ZNF560: variants seen among roughly 807,000 people sequenced by gnomAD.
The protein encoded by ZNF560 is zinc finger protein 560.
In ZNF560, 54 loss-of-function variants were observed where a neutral mutation model predicts 81.8. The observed-to-expected ratio is 0.66, with a 90% CI of 0.53 to 0.83. The LOEUF is 0.83. ZNF560 is among the 40% of genes least tolerant of loss of function. The pLI is 0.00. For synonymous variants in ZNF560, 321 were observed against 317.9 expected (o/e 1.01, Z -0.10); for missense variants, 940 against 932.4 (o/e 1.01, Z -0.11).
Position 9,497,459 on chromosome 19 carries a change from C to T in ZNF560, c.-57+669G>A, listed in dbSNP as rs866100366. 3.4e-5 allele frequency among the ~76,000 whole-genome samples: 5 copies of T among 145,004 alleles called. No homozygotes were observed. The East Asian group carries it at 1.1e-3, about 31-fold the overall frequency. ...CTGAGGCAGGAGAATCGCTTGAACC[C>T]GGGAGGCAGAGGTTGCAGTGAGGCG... On this transcript the variant is annotated intron_variant, in intron 2 of 9. Coordinates refer to ENST00000301480, the MANE Select transcript of ZNF560 (RefSeq NM_152476.3).
chr19:9,467,841 G>A lies in ZNF560; in HGVS notation c.1106C>T (p.Thr369Ile), dbSNP rs1211407837. Reference sequence around the variant, plus strand: ...TTTATAAGGTTTTATCCCAATGTGGGTTTGCATGTGATTATTAAGGTGGGT... The same window carrying A: ...TTTATAAGGTTTTATCCCAATGTGGATTTGCATGTGATTATTAAGGTGGGT... ...YPTHLNNHMQ[T>I]HIGIKPYKCK... Residue 369 changes from threonine to isoleucine, a missense_variant, in exon 10 of 10, where the codon ACC (threonine) becomes ATC (isoleucine). Coordinates refer to ENST00000301480, the MANE Select transcript of ZNF560 (RefSeq NM_152476.3). 5.6e-6 allele frequency: 9 copies of A among 1,614,014 alleles called. No individual in the cohort carries two copies. The African/African-American group carries it at 1.1e-4, about 19-fold the overall frequency.
intron 2 of ZNF560, among the ~76,000 whole-genome samples, chr19:9,494,345 C>G (rs963176464): frequency 3.3e-5 from 5 of 152,126 alleles, no homozygotes; most frequent in Admixed American, 2.0e-4. Context: ...ATCTCAGCTC[C>G]AAATTCACGA....
the ZNF560 span, among the ~76,000 whole-genome samples, chr19:9,506,058 T>C: frequency 6.6e-6 from 1 of 152,060 alleles, no homozygotes; most frequent in Non-Finnish European, 1.5e-5. Context: ...AGTGGTGTGA[T>C]CTCAGCTCAC....
intron 2 of ZNF560, among the ~76,000 whole-genome samples, chr19:9,481,950 T>C (rs746852015): frequency 6.6e-6 from 1 of 152,220 alleles, no homozygotes; most frequent in Non-Finnish European, 1.5e-5. Flanking sequence ...TAATAAATCA[T>C]GCTACTATAA....
At chr19:9,500,699 A>C (rs2073626275), upstream of ZNF560, among the ~76,000 whole-genome samples, 1 of 151,604 alleles carries the variant, frequency 6.6e-6, no homozygotes, top group Middle Eastern at 3.4e-3. Context: ...CAGCCTCCCA[A>C]GTAGGTGGGC....
At chr19:9,490,722 C>T (rs2073458511) in intron 2 of ZNF560, among the ~76,000 whole-genome samples, 1 of 152,094 alleles carries the variant, frequency 6.6e-6, no homozygotes, top group South Asian at 2.1e-4. Context: ...CCACAGTTTG[C>T]CAATGTAAGT....
At chr19:9,504,772 C>T in the ZNF560 span, among the ~76,000 whole-genome samples, 2 of 152,090 alleles carry the variant, frequency 1.3e-5, no homozygotes, top group Non-Finnish European at 2.9e-5. Context: ...TCTTCTTTTT[C>T]TAATTTTTAA....
the ZNF560 span, among the ~76,000 whole-genome samples, chr19:9,446,242 A>G: frequency 1.3e-5 from 2 of 151,694 alleles, no homozygotes; most frequent in East Asian, 1.9e-4. Context: ...CCCTGCTGCT[A>G]TTTACTTTTC....
intron 2 of ZNF560, among the ~76,000 whole-genome samples, chr19:9,477,437 G>C (rs1446130121): frequency 6.6e-6 from 1 of 152,062 alleles, no homozygotes; most frequent in Non-Finnish European, 1.5e-5. Context: ...ATTGATACCT[G>C]GCTTACTTAA....
chr19:9,450,351 A>G, the ZNF560 span, among the ~76,000 whole-genome samples: 2 of 152,110 alleles, frequency 1.3e-5, no homozygotes, highest in South Asian at 4.1e-4. Flanking sequence ...TCAACATAGT[A>G]CTAGGAGTCC....
chr19:9,462,790 C>T (rs1044119403), downstream of ZNF560, among the ~76,000 whole-genome samples: 7 of 152,106 alleles, frequency 4.6e-5, no homozygotes, highest in African/African-American at 1.7e-4. Context: ...TTTACTTACA[C>T]ATTTAAATAT....
At chr19:9,455,801 T>G in the ZNF560 span, among the ~76,000 whole-genome samples, 2 of 151,936 alleles carry the variant, frequency 1.3e-5, no homozygotes, top group Non-Finnish European at 2.9e-5. Flanking sequence ...GTATTGGAGG[T>G]AATCTGCATA....
intron 2 of ZNF560, among the ~76,000 whole-genome samples, chr19:9,477,562 C>A (rs991455630): frequency 9.9e-5 from 15 of 152,196 alleles, no homozygotes; most frequent in Admixed American, 8.5e-4. Flanking sequence ...AAGTAGAACA[C>A]TGAAGTTAGC....
At chr19:9,471,053 C>T (rs1325491190) in intron 6 of ZNF560, among the ~76,000 whole-genome samples, 1 of 152,150 alleles carries the variant, frequency 6.6e-6, no homozygotes, top group African/African-American at 2.4e-5. Flanking sequence ...AGAATACAGA[C>T]AGGAGTACCT....
the ZNF560 span, among the ~76,000 whole-genome samples, chr19:9,458,329 A>G: frequency 2.0e-5 from 3 of 152,328 alleles, no homozygotes; most frequent in South Asian, 2.1e-4. Flanking sequence ...AATCAAACCA[A>G]TTGAAGGTAC....
chr19:9,468,678 T>C (rs995106584), intron 9 of ZNF560, among the ~76,000 whole-genome samples: 10 of 152,178 alleles, frequency 6.6e-5, no homozygotes, highest in Non-Finnish European at 7.4e-5. Context: ...CTTGGGTGAA[T>C]TGGGTGAATG....
In ZNF560 at chr19:9,471,305, C is replaced by A; in HGVS notation, c.312G>T (p.Gly104=). 2 of 1,590,644 alleles carry A rather than the reference C, an allele frequency of 1.3e-6. No homozygotes were observed. Among genetic ancestry groups the A allele is most frequent in the Non-Finnish European group, 1.7e-6 (2 of 1,170,556 alleles). The part of the protein sequence containing the change: ...QEFWKIQTSN[G]IQMDLVTFDS... ...CCTTTCTTAACATTACCATTTGTAT[C>A]CCATTAGAAGTTTGTATTTTCCAAA... Residue 104 remains glycine, a synonymous_variant, in exon 6 of 10, where the codon GGG becomes GGT. Coordinates refer to ENST00000301480, the MANE Select transcript of ZNF560 (RefSeq NM_152476.3).
intron 2 of ZNF560, among the ~76,000 whole-genome samples, chr19:9,487,834 G>C (rs530870237): frequency 1.3e-5 from 2 of 152,310 alleles, no homozygotes; most frequent in African/African-American, 4.8e-5. Flanking sequence ...GAATGCTGAG[G>C]CATCAAGAAA....
At chr19:9,447,121 G>A in the ZNF560 span, among the ~76,000 whole-genome samples, 1,715 of 134,788 alleles carry the variant, frequency 0.013, 37 homozygotes, top group African/African-American at 0.049. Context: ...GCAACAGAGC[G>A]AGACTCCGTC....
Sources: gnomAD v4.1 joint callset for allele counts (sites outside exome capture counted in the v4.1 genomes callset) on GRCh38, gnomAD v4.1.1 for gene constraint, MANE v1.5 for transcripts, NCBI Gene and HGNC (gene_info 2026-07-23, HGNC 2026-07-21) for gene names.